ARMH4: variants seen among roughly 807,000 people sequenced by gnomAD.
ARMH4 encodes armadillo-like helical domain-containing protein 4.
ARMH4 carries 49 observed loss-of-function variants against 61.9 expected under a neutral mutation model. The ratio of observed to expected loss-of-function variants is 0.79; its 90% confidence interval spans 0.63 to 1.00. ARMH4 has a LOEUF of 1.00. ARMH4 is among the 50% of genes least tolerant of loss of function. The pLI is 0.00. For missense variants in ARMH4, 934 were observed against 930.0 expected, an observed-to-expected ratio of 1.00 and a Z score of -0.06; for synonymous variants, 368 against 341.5, an observed-to-expected ratio of 1.08 and a Z score of -0.85.
chr14:58,123,890 C>A (rs113380379), intron 4 of ARMH4, among the ~76,000 whole-genome samples: 3,441 of 152,290 alleles, frequency 0.023, 51 homozygotes, highest in Non-Finnish European at 0.032. Flanking sequence ...ATCAAGCCAC[C>A]CAAGCGCTCT....
At chr14:58,068,214 C>T in intron 5 of ARMH4, among the ~76,000 whole-genome samples, 1 of 152,084 alleles carries the variant, frequency 6.6e-6, no homozygotes, top group Admixed American at 6.6e-5. Context: ...GAGGAGTTAT[C>T]AGTTAATTCT....
intron 5 of ARMH4, among the ~76,000 whole-genome samples, chr14:58,067,638 T>G (rs1884746174): frequency 2.0e-5 from 3 of 152,210 alleles, no homozygotes; most frequent in African/African-American, 4.8e-5. Context: ...GCCAGAGACC[T>G]ATCCACTTGT....
At chr14:58,039,219 C>CTAGCAGTCAGTCACT (rs1188845753) in intron 5 of ARMH4, among the ~76,000 whole-genome samples, 2 of 152,224 alleles carry the variant, frequency 1.3e-5, no homozygotes, top group African/African-American at 4.8e-5. Context: ...CCTCCTTTCA[C>CTAGCAGTCAGTCACT]AGCAGTCAGT....
rs1886829136 is a variant in ARMH4 at position 58,124,356 on chromosome 14, C to T, written c.1831+7156G>A. Among the ~76,000 whole-genome samples, 3 of 152,282 alleles carry T rather than the reference C, an allele frequency of 2.0e-5. No individual in the cohort carries two copies. In the South Asian group the frequency reaches 6.2e-4, roughly 32 times the overall value. On this transcript the variant is annotated intron_variant, in intron 4 of 7. Transcript: ENST00000267485. ...CAGATCCAAGGGACAAGCTTGCAAC[C>T]CATGGCATACCTGAGTAAGGAAATT... is the stretch of plus-strand genomic sequence containing the variant.
chr14:58,063,546 C>A (rs2141217115), intron 5 of ARMH4, among the ~76,000 whole-genome samples: 1 of 150,708 alleles, frequency 6.6e-6, no homozygotes, highest in East Asian at 2.0e-4. Flanking sequence ...ATGGTGCTTT[C>A]CAAATAAGCA....
At position 58,002,786 on chromosome 14, in the gene ARMH4, G is replaced by A. The variant is rs1399498172; in HGVS notation, c.*1950C>T. ...TCGTGAAATTACAAATCACTTCTGA[G>A]TGTCATGATTCTGAATTCTATTTTT... is the stretch of plus-strand genomic sequence containing the variant. On this transcript the variant is annotated 3_prime_UTR_variant, in exon 8 of 8. Transcript: ENST00000267485. 6.6e-6 allele frequency: 1 copy of A among 152,196 alleles called. No individual in the cohort carries two copies. Among genetic ancestry groups the A allele is most frequent in the Non-Finnish European group, 1.5e-5 (1 of 68,034 alleles). 9.4% of individuals were successfully genotyped at this position (152,196 alleles called of 1,614,324 possible).
intron 4 of ARMH4, among the ~76,000 whole-genome samples, chr14:58,117,278 T>C (rs1483285774): frequency 6.6e-6 from 1 of 152,232 alleles, no homozygotes; most frequent in African/African-American, 2.4e-5. Flanking sequence ...CCATCTGGAA[T>C]AATATCTTTT....
At chr14:58,118,109 A>G (rs1273088067) in intron 4 of ARMH4, among the ~76,000 whole-genome samples, 2 of 152,134 alleles carry the variant, frequency 1.3e-5, no homozygotes, top group East Asian at 3.9e-4. Flanking sequence ...ATAGAGGAGA[A>G]TAAGTTTGAG....
At chr14:58,078,404 T>C (rs1308283959) in intron 5 of ARMH4, among the ~76,000 whole-genome samples, 1 of 152,210 alleles carries the variant, frequency 6.6e-6, no homozygotes, top group Non-Finnish European at 1.5e-5. Context: ...ATGTACTGTC[T>C]CTGAGGTGCA....
At chr14:58,109,125 T>C (rs1886263563) in intron 4 of ARMH4, among the ~76,000 whole-genome samples, 1 of 152,222 alleles carries the variant, frequency 6.6e-6, no homozygotes, top group African/African-American at 2.4e-5. Context: ...TCACTTTCTT[T>C]CTAGCATCCT....
In ARMH4 at chr14:58,036,922, C is replaced by T. The variant is rs1274693631; in HGVS notation, c.2090-24772G>A. ...AAGAGGACACAAACAAATGGAAGAACGTTCCATGCTCATGGGTAGGAAGAA... is the reference window on the plus strand; with the variant it reads ...AAGAGGACACAAACAAATGGAAGAATGTTCCATGCTCATGGGTAGGAAGAA... On this transcript the variant is annotated intron_variant, in intron 5 of 7. Transcript: ENST00000267485. 8.0e-5 allele frequency among the ~76,000 whole-genome samples: 10 copies of T among 124,746 alleles called. 3 individuals are homozygous for T. Among genetic ancestry groups the T allele is most frequent in the Admixed American group, 1.5e-4 (2 of 13,082 alleles). 81.8% of individuals were successfully genotyped at this position (124,746 alleles called of 152,430 possible). A position where few individuals can be genotyped will look rare whatever the true frequency, so the allele number is the denominator to read the frequency against.
chr14:58,094,564 T>G (rs1486182069), intron 5 of ARMH4, among the ~76,000 whole-genome samples: 1 of 152,172 alleles, frequency 6.6e-6, no homozygotes, highest in Admixed American at 6.5e-5. Flanking sequence ...TGTGGATGTG[T>G]ATGTGAGTGT....
In ARMH4 at chr14:58,109,473, T is replaced by C. The variant is rs999817874; in HGVS notation, c.1832-12492A>G. Among the ~76,000 whole-genome samples the C allele has an allele frequency of 5.9e-5, 9 of 152,348 alleles. No homozygotes were observed. The South Asian group carries it at 1.9e-3, about 32-fold the overall frequency. ...TGTTTCCATGCCTATTCTGCTTCAC[T>C]GGCCACTTTGACTATTCCTGTCCAT... On this transcript the variant is annotated intron_variant, in intron 4 of 7. Coordinates refer to ENST00000267485, the MANE Select transcript of ARMH4 (RefSeq NM_001001872.4).
intron 4 of ARMH4, among the ~76,000 whole-genome samples, chr14:58,102,673 C>T (rs112894169): frequency 0.083 from 12,496 of 149,998 alleles, 759 homozygotes; most frequent in African/African-American, 0.17. Context: ...TAGCCGGGCG[C>T]GGTGGCGGGC....
chr14:58,056,115 A>G (rs1884339551), intron 5 of ARMH4, among the ~76,000 whole-genome samples: 2 of 152,206 alleles, frequency 1.3e-5, no homozygotes, highest in Admixed American at 6.5e-5. Flanking sequence ...CAACTTGGTG[A>G]TAATTTTTTA....
chr14:58,053,042 C>A (rs1256825523), intron 5 of ARMH4, among the ~76,000 whole-genome samples: 1 of 152,154 alleles, frequency 6.6e-6, no homozygotes, highest in East Asian at 1.9e-4. Flanking sequence ...ATCTTTTGAT[C>A]CTACCTCCTA....
chr14:58,067,955 T>C (rs1884757965), intron 5 of ARMH4, among the ~76,000 whole-genome samples: 1 of 152,166 alleles, frequency 6.6e-6, no homozygotes, highest in Non-Finnish European at 1.5e-5. Flanking sequence ...CTTTGGAAAG[T>C]GCTGGCTTTT....
rs759795686 is a variant in ARMH4 at position 58,036,956 on chromosome 14, G to A, written c.2090-24806C>T. On this transcript the variant is annotated intron_variant, in intron 5 of 7. Coordinates refer to ENST00000267485, the MANE Select transcript of ARMH4 (RefSeq NM_001001872.4). ...CTCATGGGTAGGAAGAATCAATATC[G>A]TGAAAACGGCCATACTGCCCAAGGT... is the stretch of plus-strand genomic sequence containing the variant. Among the ~76,000 whole-genome samples the A allele has an allele frequency of 3.9e-3, 458 of 117,624 alleles. 28 individuals carry two copies. Among genetic ancestry groups the A allele is most frequent in the Non-Finnish European group, 5.8e-3 (306 of 52,590 alleles). The allele number at this position is 117,624 out of a possible 152,430, so 77.2% of individuals were successfully genotyped here.
At position 58,133,160 on chromosome 14, in the gene ARMH4, C is replaced by T; in HGVS notation, c.1551G>A (p.Trp517Ter). ...VPGVTQLSRR[W>*]EPLATTISTT... is the part of the protein sequence containing the mutation. ...TTGAAATTGTAGTGGCCAGAGGCTC[C>T]CATCTTCTTGACAGCTGAGTAACAC... The change falls in exon 3 of 8, where the codon TGG (tryptophan) becomes TGA (stop). Residue 517 changes from tryptophan (W) to a stop codon, truncating the protein, a stop_gained. Transcript: ENST00000267485. LOFTEE classifies it high-confidence loss of function. 1.2e-6 allele frequency: 2 copies of T among 1,614,098 alleles called. No homozygotes were observed. The highest frequency in any genetic ancestry group is 1.7e-6 in the Non-Finnish European group (2 of 1,180,014).
Sources: gnomAD v4.1 joint callset for allele counts (sites outside exome capture counted in the v4.1 genomes callset) on GRCh38, gnomAD v4.1.1 for gene constraint, MANE v1.5 for transcripts, NCBI Gene and HGNC (gene_info 2026-07-23, HGNC 2026-07-21) for gene names.